PRKCE: variants seen among roughly 807,000 people sequenced by gnomAD.
The protein encoded by PRKCE is protein kinase C epsilon type.
A neutral mutation model predicts 85.4 loss-of-function variants in PRKCE; 16 were observed. That is an observed-to-expected ratio of 0.19 (90% CI 0.13 to 0.28). PRKCE has a LOEUF of 0.28. Ranked by LOEUF, PRKCE falls within the 10% of genes least tolerant of loss-of-function variation. The probability of loss-of-function intolerance (pLI) is 1.00; values close to 1 mark genes in which losing one functional copy is unlikely to be tolerated. For synonymous variants in PRKCE, 388 were observed against 371.5 expected (o/e 1.04, Z -0.51); for missense variants, 573 against 975.2 (o/e 0.59, Z 5.49).
At chr2:45,731,981 G>A (rs1379844661) in intron 1 of PRKCE, among the ~76,000 whole-genome samples, 1 of 152,092 alleles carries the variant, frequency 6.6e-6, no homozygotes, top group African/African-American at 2.4e-5. Flanking sequence ...CTACTCCACA[G>A]AACTCCATTT....
chr2:46,052,540 G>C (rs572525355), intron 10 of PRKCE, among the ~76,000 whole-genome samples: 13 of 152,206 alleles, frequency 8.5e-5, no homozygotes, highest in Non-Finnish European at 1.9e-4. Context: ...TTGTGGAGAA[G>C]ACACAGTATT....
At chr2:45,897,627 AT>A (rs1331869878) in intron 2 of PRKCE, among the ~76,000 whole-genome samples, 2 of 152,252 alleles carry the variant, frequency 1.3e-5, no homozygotes, top group Middle Eastern at 3.4e-3. Context: ...ATGGCACCCC[AT>A]TTTTTATGGC....
chr2:46,070,924 T>C (rs1171180697), intron 10 of PRKCE, among the ~76,000 whole-genome samples: 1 of 152,248 alleles, frequency 6.6e-6, no homozygotes, highest in Non-Finnish European at 1.5e-5. Context: ...GCTCAATAAA[T>C]GATAGCCATG....
chr2:45,735,480 G>T (rs1274689798), intron 1 of PRKCE, among the ~76,000 whole-genome samples: 2 of 152,228 alleles, frequency 1.3e-5, no homozygotes, highest in Non-Finnish European at 2.9e-5. Context: ...CAAGTCATTT[G>T]ACTTTTCTGT....
At chr2:45,863,865 G>T (rs541533417) in intron 2 of PRKCE, among the ~76,000 whole-genome samples, 1 of 152,214 alleles carries the variant, frequency 6.6e-6, no homozygotes, top group South Asian at 2.1e-4. Flanking sequence ...GGAATGGTGC[G>T]CCTGGCTGCA....
intron 2 of PRKCE, among the ~76,000 whole-genome samples, chr2:45,885,060 G>A (rs993253556): frequency 6.9e-6 from 1 of 144,008 alleles, no homozygotes; most frequent in Non-Finnish European, 1.5e-5. Context: ...GTAGTTTTCA[G>A]TATTTTGATT....
At chr2:45,665,287 C>T (rs975176536) in intron 1 of PRKCE, among the ~76,000 whole-genome samples, 4 of 152,190 alleles carry the variant, frequency 2.6e-5, no homozygotes, top group Non-Finnish European at 4.4e-5. Flanking sequence ...ATTCAGAATT[C>T]ACCCAAGAGC....
At chr2:45,731,892 AGT>A (rs1319518950) in intron 1 of PRKCE, among the ~76,000 whole-genome samples, 1 of 152,080 alleles carries the variant, frequency 6.6e-6, no homozygotes, top group Non-Finnish European at 1.5e-5. Flanking sequence ...GACATGAACC[AGT>A]GTACCTGGCC....
intron 14 of PRKCE, among the ~76,000 whole-genome samples, chr2:46,165,232 T>C (rs548049358): frequency 2.6e-5 from 4 of 152,306 alleles, no homozygotes; most frequent in South Asian, 4.1e-4. Context: ...TTCTCTCAGC[T>C]CTCTTACGTA....
At chr2:45,829,944 G>T (rs561509273) in intron 1 of PRKCE, among the ~76,000 whole-genome samples, 15 of 151,424 alleles carry the variant, frequency 9.9e-5, no homozygotes, top group Non-Finnish European at 2.1e-4. Flanking sequence ...GTGGTAGCGG[G>T]CGCCTGTAGT....
At chr2:46,027,216 T>A (rs1488689544) in intron 10 of PRKCE, among the ~76,000 whole-genome samples, 1 of 152,114 alleles carries the variant, frequency 6.6e-6, no homozygotes, top group Non-Finnish European at 1.5e-5. Flanking sequence ...ACACCTGTAG[T>A]CCCAGCTATT....
intron 1 of PRKCE, among the ~76,000 whole-genome samples, chr2:45,833,041 G>T (rs1031943290): frequency 6.6e-6 from 1 of 151,598 alleles, no homozygotes; most frequent in African/African-American, 2.4e-5. Flanking sequence ...ATATCAGCCC[G>T]GTGTGGTGGC....
At chr2:46,053,005 C>T (rs187341902) in intron 10 of PRKCE, among the ~76,000 whole-genome samples, 163 of 152,292 alleles carry the variant, frequency 1.1e-3, no homozygotes, top group African/African-American at 3.9e-3. Context: ...ACGTAAGAGC[C>T]GGTCACCCAA....
intron 14 of PRKCE, among the ~76,000 whole-genome samples, chr2:46,166,078 T>G (rs1348174327): frequency 6.6e-6 from 1 of 152,166 alleles, no homozygotes; most frequent in African/African-American, 2.4e-5. Context: ...CCATCCGCGC[T>G]GCATGGCGGG....
At chr2:46,028,501 C>A (rs1202973128) in intron 10 of PRKCE, among the ~76,000 whole-genome samples, 5 of 152,128 alleles carry the variant, frequency 3.3e-5, no homozygotes, top group African/African-American at 1.2e-4. Context: ...TGTGTTCTTT[C>A]TAGATTCTGG....
At chr2:45,775,675 C>T (rs1208842979) in intron 1 of PRKCE, among the ~76,000 whole-genome samples, 1 of 152,216 alleles carries the variant, frequency 6.6e-6, no homozygotes, top group African/African-American at 2.4e-5. Flanking sequence ...CTTGCAGTCA[C>T]CTCCTAATGG....
intron 2 of PRKCE, among the ~76,000 whole-genome samples, chr2:45,925,803 A>G (rs968108086): frequency 1.3e-5 from 2 of 152,212 alleles, no homozygotes; most frequent in Non-Finnish European, 2.9e-5. Flanking sequence ...GCTGCTTTCA[A>G]TCATCGTGGG....
intron 2 of PRKCE, among the ~76,000 whole-genome samples, chr2:45,902,745 A>G (rs1696669683): frequency 6.6e-6 from 1 of 152,248 alleles, no homozygotes; most frequent in African/African-American, 2.4e-5. Context: ...AAGAAACAGT[A>G]ACTCAAGGGT....
intron 10 of PRKCE, among the ~76,000 whole-genome samples, chr2:46,060,637 C>T (rs1406546612): frequency 1.3e-5 from 2 of 152,128 alleles, no homozygotes; most frequent in African/African-American, 4.8e-5. Flanking sequence ...GATTATAAGA[C>T]ACCCCTCCTC....
Sources: allele counts gnomAD v4.1 joint callset (sites outside exome capture counted in the v4.1 genomes callset), GRCh38; gene constraint gnomAD v4.1.1; transcripts MANE v1.5; gene names NCBI Gene and HGNC (gene_info 2026-07-23, HGNC 2026-07-21).